Variants in RRN3 observed in about 807,000 individuals in gnomAD.
RRN3 encodes RNA polymerase I-specific transcription initiation factor RRN3.
A neutral mutation model predicts 82.3 loss-of-function variants in RRN3; 38 were observed. The ratio of observed to expected loss-of-function variants is 0.46; its 90% confidence interval spans 0.36 to 0.61. The LOEUF is 0.61. Ranked by LOEUF, RRN3 falls within the 20% of genes least tolerant of loss-of-function variation. The probability of loss-of-function intolerance (pLI) is 0.00; values close to 1 mark genes in which losing one functional copy is unlikely to be tolerated. For synonymous variants in RRN3, 284 were observed against 284.3 expected (o/e 1.00, Z 0.01); for missense variants, 726 against 793.1 (o/e 0.92, Z 1.02).
chr16:15,085,738 T>C (rs747903043), intron 5 of RRN3, 40 bp from the exon 6 acceptor site: 5 of 1,610,458 alleles, frequency 3.1e-6, no homozygotes, highest in South Asian at 2.2e-5. Context: ...CTGTCATTGA[T>C]CTAGACAATG....
At chr16:15,069,144 G>A (rs906556485) in intron 14 of RRN3, among the ~76,000 whole-genome samples, 1 of 152,138 alleles carries the variant, frequency 6.6e-6, no homozygotes, top group Admixed American at 6.6e-5. Context: ...TTAGAGCTGT[G>A]GCTGTTAACC....
At chr16:15,085,163 T>C (rs1163779612) in intron 6 of RRN3, among the ~76,000 whole-genome samples, 1 of 152,210 alleles carries the variant, frequency 6.6e-6, no homozygotes, top group African/African-American at 2.4e-5. Context: ...TCAAGATTTT[T>C]CTCCACCAGC....
rs1286714619 is a variant in RRN3 at position 15,076,646 on chromosome 16, T to A, written c.770A>T (p.Asn257Ile). ...IIEKLLKLDV[N>I]ASRQGIEDAE... ...ATCTTCAATACCCTGCCGGGATGCA[T>A]TCACCTATAACAAAGGGAGAAAAAA... Residue 257 changes from asparagine to isoleucine, a missense_variant, in exon 10 of 18, where the codon AAT (asparagine) becomes ATT (isoleucine). Transcript: ENST00000198767. The A allele has an allele frequency of 2.5e-6, 4 of 1,602,740 alleles. No homozygotes were observed. Among genetic ancestry groups the A allele is most frequent in the Non-Finnish European group, 2.6e-6 (3 of 1,169,594 alleles).
intron 9 of RRN3, among the ~76,000 whole-genome samples, chr16:15,079,106 G>A (rs935446840): frequency 6.6e-5 from 10 of 151,894 alleles, no homozygotes; most frequent in Admixed American, 4.6e-4. Context: ...CACCACGCCC[G>A]GCCTCCTCTT....
chr16:15,077,107 G>T (rs1240731749), intron 9 of RRN3, among the ~76,000 whole-genome samples: 2 of 151,672 alleles, frequency 1.3e-5, no homozygotes, highest in Non-Finnish European at 2.9e-5. Flanking sequence ...AGCCTCCCGA[G>T]TAGCTGGGAT....
intron 16 of RRN3, among the ~76,000 whole-genome samples, chr16:15,063,939 C>G (rs1417508192): frequency 1.3e-5 from 2 of 152,084 alleles, no homozygotes; most frequent in Admixed American, 6.6e-5. Flanking sequence ...TATTCTGGAA[C>G]TCTCTTTTTT....
At chr16:15,091,010 G>C (rs943807593) in intron 3 of RRN3, among the ~76,000 whole-genome samples, 14 of 152,162 alleles carry the variant, frequency 9.2e-5, no homozygotes, top group African/African-American at 3.4e-4. Context: ...TTGTCATTTG[G>C]GGCTGGATCA....
At chr16:15,066,561 A>G (rs2044983223) in intron 15 of RRN3, among the ~76,000 whole-genome samples, 1 of 150,924 alleles carries the variant, frequency 6.6e-6, no homozygotes, top group Non-Finnish European at 1.5e-5. Context: ...TGAGCCTCGG[A>G]GGTGGTGGTT....
chr16:15,077,424 T>C (rs1296155744), intron 9 of RRN3, among the ~76,000 whole-genome samples: 2 of 152,094 alleles, frequency 1.3e-5, no homozygotes, highest in African/African-American at 4.8e-5. Context: ...CTGATGGTTT[T>C]ATCAGGGGTT....
At chr16:15,078,030 T>C (rs1328981413) in intron 9 of RRN3, among the ~76,000 whole-genome samples, 14 of 152,246 alleles carry the variant, frequency 9.2e-5, no homozygotes, top group Admixed American at 4.6e-4. Context: ...CAATATTTAT[T>C]TTGGTATATC....
intron 3 of RRN3, among the ~76,000 whole-genome samples, chr16:15,088,386 G>C (rs983696532): frequency 1.3e-5 from 2 of 151,832 alleles, no homozygotes; most frequent in African/African-American, 4.8e-5. Context: ...AAGATTGCTT[G>C]AGCCTGGGAG....
chr16:15,061,578 C>T lies in RRN3; in HGVS notation c.*166G>A. On this transcript the variant is annotated 3_prime_UTR_variant, in exon 18 of 18. Transcript: ENST00000198767. ...AGGGGAACAACAACAACAAAAAAAC[C>T]CAGTCTTCAGATGCTTGATTCAGTC... The T allele has an allele frequency of 3.8e-6, 2 of 520,492 alleles. No individual in the cohort carries two copies. Among genetic ancestry groups the T allele is most frequent in the South Asian group, 3.9e-5 (1 of 25,826 alleles). The allele number at this position is 520,492 out of a possible 1,614,324, so 32.2% of individuals were successfully genotyped here.
At chr16:15,062,151 G>A (rs182437026) in intron 17 of RRN3, among the ~76,000 whole-genome samples, 6 of 152,292 alleles carry the variant, frequency 3.9e-5, no homozygotes, top group Non-Finnish European at 4.4e-5. Flanking sequence ...CATGTCTCTA[G>A]AAAAACAGAA....
chr16:15,085,832 A>G, intron 5 of RRN3, 134 bp from the exon 6 acceptor site: 1 of 1,287,462 alleles, frequency 7.8e-7, no homozygotes, highest in Admixed American at 2.7e-5. Flanking sequence ...AGTTAGCCCA[A>G]TGATTAATTA....
intron 10 of RRN3, among the ~76,000 whole-genome samples, chr16:15,075,096 A>T (rs12600176): frequency 0.11 from 16,066 of 151,804 alleles, 992 homozygotes; most frequent in East Asian, 0.25. Context: ...CTAAAAATAC[A>T]AGAATTAGCC....
chr16:15,093,443 G>A (rs929176628), intron 1 of RRN3, among the ~76,000 whole-genome samples: 2 of 152,066 alleles, frequency 1.3e-5, no homozygotes, highest in Admixed American at 1.3e-4. Context: ...TTTATTTATT[G>A]GCCTATGTAC....
intron 8 of RRN3, 38 bp from the exon 9 acceptor site, chr16:15,080,134 G>A: frequency 1.9e-6 from 3 of 1,557,762 alleles, no homozygotes; most frequent in East Asian, 2.3e-5. Flanking sequence ...TTTCAACAGA[G>A]AATAAACGTT....
At chr16:15,079,955 C>A in intron 9 of RRN3, 43 bp downstream of exon 9, 1 of 1,530,420 alleles carries the variant, frequency 6.5e-7, no homozygotes, top group African/African-American at 1.4e-5. Flanking sequence ...ATAACAAATT[C>A]AAGTCAGTAA....
At chr16:15,093,459 T>C (rs983142382) in intron 1 of RRN3, among the ~76,000 whole-genome samples, 3 of 152,216 alleles carry the variant, frequency 2.0e-5, no homozygotes, top group African/African-American at 7.2e-5. Flanking sequence ...TGTACTGCCT[T>C]TCCCCCCTAT....
Sources: gnomAD v4.1 joint callset for allele counts (sites outside exome capture counted in the v4.1 genomes callset) on GRCh38, gnomAD v4.1.1 for gene constraint, MANE v1.5 for transcripts, NCBI Gene and HGNC (gene_info 2026-07-23, HGNC 2026-07-21) for gene names.